The following BTRC variants were observed in gnomAD, a reference collection of about 807,000 sequenced individuals.
BTRC encodes the protein F-box/WD repeat-containing protein 1A.
In BTRC, 42 loss-of-function variants were observed where a neutral mutation model predicts 85.5. The ratio of observed to expected loss-of-function variants is 0.49; its 90% CI spans 0.38 to 0.64. The LOEUF (loss-of-function observed/expected upper bound fraction) is 0.64. Among genes scored for constraint, BTRC ranks in the 30% least tolerant of loss-of-function variants. The pLI, the probability that BTRC is intolerant of heterozygous loss-of-function variation, is 0.00. For missense variants in BTRC, 594 were observed against 743.5 expected, an observed-to-expected ratio of 0.80 and a Z score of 2.34; for synonymous variants, 255 against 263.3, an observed-to-expected ratio of 0.97 and a Z score of 0.30.
intron 3 of BTRC, among the ~76,000 whole-genome samples, chr10:101,470,329 C>CTTTTTTTTTTTTTTT (rs950644281): frequency 1.1e-5 from 1 of 94,932 alleles, no homozygotes; most frequent in Non-Finnish European, 2.0e-5. Context: ...ATTTTTCTTT[C>CTTTTTTTTTTTTTTT]TTTTTTTTTT....
intron 3 of BTRC, among the ~76,000 whole-genome samples, chr10:101,474,393 T>C (rs1191827566): frequency 1.3e-5 from 2 of 152,218 alleles, no homozygotes. Flanking sequence ...GCCTAAGATG[T>C]TATTACATCC....
At chr10:101,388,195 T>C (rs1156540996) in intron 1 of BTRC, among the ~76,000 whole-genome samples, 1 of 152,098 alleles carries the variant, frequency 6.6e-6, no homozygotes, top group East Asian at 1.9e-4. Flanking sequence ...AGAATCTTGC[T>C]CTGTTGCCCA....
chr10:101,394,114 G>T (rs1222716300), intron 1 of BTRC, among the ~76,000 whole-genome samples: 3 of 152,164 alleles, frequency 2.0e-5, no homozygotes, highest in Non-Finnish European at 2.9e-5. Context: ...CTATTTAGAA[G>T]ATATTATGGA....
In BTRC at chr10:101,521,823, C is replaced by G; in HGVS notation, c.509C>G (p.Ser170Trp). Residue 170 changes from serine (S) to tryptophan (W), a missense_variant, in exon 5 of 15, where the codon TCG becomes TGG. By Grantham distance (177) the Ser-to-Trp change is radical. Around this residue, in one of 4 missense-constraint regions of BTRC, gnomAD observed 373 missense variants for 503.6 expected, o/e 0.74. Transcript: ENST00000370187. Reference sequence around the variant, plus strand: ...CATTACCAACATGGGCACATAAACTCGTATCTTAAACCTATGTTGCAGAGA... The same window carrying G: ...CATTACCAACATGGGCACATAAACTGGTATCTTAAACCTATGTTGCAGAGA... ...MCHYQHGHIN[S>W]YLKPMLQRDF... 2.5e-6 allele frequency: 4 copies of G among 1,613,924 alleles called. No individual in the cohort carries two copies. The highest frequency in any genetic ancestry group is 3.4e-6 in the Non-Finnish European group (4 of 1,179,912).
chr10:101,477,850 A>G (rs1346074126), intron 3 of BTRC, among the ~76,000 whole-genome samples: 1 of 151,810 alleles, frequency 6.6e-6, no homozygotes, highest in Non-Finnish European at 1.5e-5. Flanking sequence ...GGGTTTCACC[A>G]TGTTGCCCAG....
chr10:101,360,947 A>G, intron 1 of BTRC, among the ~76,000 whole-genome samples: 1 of 152,176 alleles, frequency 6.6e-6, no homozygotes, highest in African/African-American at 2.4e-5. Context: ...CTGGGACTAC[A>G]GGTTTGTGCC....
intron 4 of BTRC, among the ~76,000 whole-genome samples, chr10:101,514,320 TTTTC>T (rs1421162327): frequency 1.3e-5 from 2 of 152,192 alleles, no homozygotes; most frequent in African/African-American, 2.4e-5. Flanking sequence ...TTCTCCTGTG[TTTTC>T]TTTTAGAAGT....
At chr10:101,538,133 A>T (rs543872245) in intron 12 of BTRC, among the ~76,000 whole-genome samples, 160 bp from the exon 13 acceptor site, 1 of 152,330 alleles carries the variant, frequency 6.6e-6, no homozygotes, top group Non-Finnish European at 1.5e-5. Flanking sequence ...AACTGTCTTC[A>T]GTTTGGTTAA....
chr10:101,534,446 C>T (rs2062353287), intron 9 of BTRC, among the ~76,000 whole-genome samples: 1 of 152,052 alleles, frequency 6.6e-6, no homozygotes, highest in African/African-American at 2.4e-5. Flanking sequence ...TATTAGGTGA[C>T]AGTGGCTGCC....
intron 2 of BTRC, among the ~76,000 whole-genome samples, chr10:101,461,410 C>G (rs1945222115): frequency 6.6e-6 from 1 of 152,110 alleles, no homozygotes; most frequent in South Asian, 2.1e-4. Flanking sequence ...AAAAACCCCA[C>G]TGACATTTTA....
At chr10:101,505,908 A>G (rs1448756193) in intron 4 of BTRC, among the ~76,000 whole-genome samples, 17 of 150,908 alleles carry the variant, frequency 1.1e-4, no homozygotes, top group Non-Finnish European at 5.9e-5. Context: ...TTTGATGTTC[A>G]GTTTTCCAAT....
intron 1 of BTRC, among the ~76,000 whole-genome samples, chr10:101,420,447 G>C (rs1944069419): frequency 6.6e-6 from 1 of 151,878 alleles, no homozygotes; most frequent in South Asian, 2.1e-4. Context: ...CTGGACCACT[G>C]CCTCTCCCTC....
At chr10:101,384,161 G>C (rs1428195236) in intron 1 of BTRC, among the ~76,000 whole-genome samples, 1 of 152,162 alleles carries the variant, frequency 6.6e-6, no homozygotes, top group African/African-American at 2.4e-5. Context: ...TTAGCAACTG[G>C]TTTTGTTAAG....
At chr10:101,447,193 C>T (rs1336152809) in intron 2 of BTRC, among the ~76,000 whole-genome samples, 1 of 152,168 alleles carries the variant, frequency 6.6e-6, no homozygotes, top group Non-Finnish European at 1.5e-5. Flanking sequence ...GGCTAATGCT[C>T]TTTTGGCAAT....
intron 2 of BTRC, among the ~76,000 whole-genome samples, chr10:101,452,560 G>A (rs1944978070): frequency 6.6e-6 from 1 of 152,210 alleles, no homozygotes; most frequent in Non-Finnish European, 1.5e-5. Context: ...TATATGATTA[G>A]TGTCGGACAG....
rs1237562661 is a variant in BTRC at position 101,505,155 on chromosome 10, A to ATG, written c.325-16482_325-16481dup. The stretch of plus-strand genomic sequence containing the variant: ...TATATATATGTATATATATATGTAT[A>ATG]TGTATATATATATATATATATATTT... On this transcript the variant is annotated intron_variant, in intron 4 of 14. Transcript: ENST00000370187. Among the ~76,000 whole-genome samples, 229 of 104,384 alleles carry ATG rather than the reference A, an allele frequency of 2.2e-3. 1 individual carries two copies. The highest frequency in any genetic ancestry group is 6.2e-3 in the African/African-American group (202 of 32,512). The allele number at this position is 104,384 out of a possible 152,430, so 68.5% of individuals were successfully genotyped here.
At chr10:101,505,126 TGTG>T (rs1564812089) in intron 4 of BTRC, among the ~76,000 whole-genome samples, 62 of 75,108 alleles carry the variant, frequency 8.3e-4, no homozygotes, top group African/African-American at 2.9e-3. Flanking sequence ...TATATATATA[TGTG>T]TATATATATG....
At chr10:101,377,421 G>A (rs571576039) in intron 1 of BTRC, among the ~76,000 whole-genome samples, 80 of 152,294 alleles carry the variant, frequency 5.3e-4, no homozygotes, top group African/African-American at 1.8e-3. Flanking sequence ...GGAGAATTGC[G>A]TGATAAATGT....
Position 101,459,468 on chromosome 10 carries a change from AT to A in BTRC, c.157-2506del, listed in dbSNP as rs368906763. 1.1e-3 allele frequency among the ~76,000 whole-genome samples: 171 copies of A among 151,982 alleles called. 4 individuals are homozygous for A. In the East Asian group the frequency reaches 0.032, roughly 28 times the overall value. Reference sequence around the variant, plus strand: ...ATGACTGTTTAATGTCCCTACCTCTATTTTTTTGTAACAACATTATAAGTTG... The same window carrying A: ...ATGACTGTTTAATGTCCCTACCTCTATTTTTTGTAACAACATTATAAGTTG... On this transcript the variant is annotated intron_variant, in intron 2 of 14. Coordinates refer to ENST00000370187, the MANE Select transcript of BTRC (RefSeq NM_033637.4).
Sources: gnomAD v4.1 joint callset for allele counts (sites outside exome capture counted in the v4.1 genomes callset) on GRCh38, gnomAD v4.1.1 for gene constraint, gnomAD v4.1.1 regional missense constraint, MANE v1.5 for transcripts, NCBI Gene and HGNC (gene_info 2026-07-23, HGNC 2026-07-21) for gene names.